MAOA: variants seen among roughly 807,000 people sequenced by gnomAD.
MAOA encodes amine oxidase [flavin-containing] A.
Under a neutral mutation model 42.0 loss-of-function variants are expected in MAOA, and 6 were observed. The ratio of observed to expected loss-of-function variants is 0.14; its 90% CI spans 0.08 to 0.28. The LOEUF (loss-of-function observed/expected upper bound fraction) is 0.28, where lower values mean the gene tolerates loss of function less well. Among genes scored for constraint, MAOA ranks in the 10% least tolerant of loss-of-function variants. The probability of loss-of-function intolerance (pLI) is 1.00; values close to 1 mark genes in which losing one functional copy is unlikely to be tolerated. For synonymous variants in MAOA, 140 were observed against 154.0 expected (o/e 0.91, Z 0.67); for missense variants, 262 against 422.3 (o/e 0.62, Z 3.33).
Position 43,671,919 on chromosome X carries a change from G to A in MAOA, c.74-11594G>A, listed in dbSNP as rs1358128704. 4.8e-3 allele frequency among the ~76,000 whole-genome samples: 516 copies of A among 107,797 alleles called. 3 individuals carry two copies. Among genetic ancestry groups the A allele is most frequent in the Non-Finnish European group, 7.3e-3 (380 of 51,997 alleles). 93.6% of individuals were successfully genotyped at this position (107,797 alleles called of 115,157 possible). A position where few individuals can be genotyped will look rare whatever the true frequency, so the allele number is the denominator to read the frequency against. ...TCTTTTGGCTTAGGATTGACTTGGC[G>A]ATGCAGGCTCTTTTTTGGTTCCATA... On this transcript the variant is annotated intron_variant, in intron 1 of 14. Transcript: ENST00000338702.
At chrX:43,663,328 G>A (rs974324458) in intron 1 of MAOA, among the ~76,000 whole-genome samples, 3 of 111,495 alleles carry the variant, frequency 2.7e-5, no homozygotes, top group African/African-American at 9.8e-5. Flanking sequence ...TTGTTGCTAG[G>A]CAAAAGTAAA....
chrX:43,660,164 A>G (rs2033220642), intron 1 of MAOA, among the ~76,000 whole-genome samples: 1 of 111,329 alleles, frequency 9.0e-6, no homozygotes, highest in Non-Finnish European at 1.9e-5. Flanking sequence ...TATAAGTGAG[A>G]ACATATGGTA....
At chrX:43,702,469 A>G (rs1475703149) in intron 3 of MAOA, among the ~76,000 whole-genome samples, 6 of 112,229 alleles carry the variant, frequency 5.3e-5, no homozygotes, top group Non-Finnish European at 9.4e-5. Context: ...ACAAATAATG[A>G]TAATAATGTC....
At chrX:43,693,668 C>T (rs2033554660) in intron 3 of MAOA, among the ~76,000 whole-genome samples, 1 of 110,734 alleles carries the variant, frequency 9.0e-6, no homozygotes, top group Non-Finnish European at 1.9e-5. Context: ...CCCTGTCACC[C>T]TCAGTGGCCC....
chrX:43,696,366 A>G (rs1230934345), intron 3 of MAOA, among the ~76,000 whole-genome samples: 1 of 112,492 alleles, frequency 8.9e-6, no homozygotes, highest in Non-Finnish European at 1.9e-5. Context: ...GGACAAAGGC[A>G]TCTTGCCATG....
chrX:43,717,653 G>A (rs2033754902), intron 5 of MAOA, among the ~76,000 whole-genome samples: 1 of 111,239 alleles, frequency 9.0e-6, no homozygotes, highest in Non-Finnish European at 1.9e-5. Flanking sequence ...CTCCAGGATT[G>A]AGCCACACTG....
At chrX:43,744,042 A>T in intron 13 of MAOA, 67 bp from the exon 14 acceptor site, 1 of 1,193,867 alleles carries the variant, frequency 8.4e-7, no homozygotes, top group Non-Finnish European at 1.1e-6. Flanking sequence ...ATCTGTGGCT[A>T]GCAGGGCCTT....
intron 3 of MAOA, among the ~76,000 whole-genome samples, chrX:43,701,544 C>A (rs2033625144): frequency 9.0e-6 from 1 of 111,653 alleles, no homozygotes; most frequent in African/African-American, 3.3e-5. Context: ...GAACCCCTCT[C>A]ATCTTCCTTC....
chrX:43,715,238 G>A (rs192244580), intron 5 of MAOA, among the ~76,000 whole-genome samples: 24 of 109,683 alleles, frequency 2.2e-4, no homozygotes, highest in Non-Finnish European at 5.7e-5. Context: ...GCAGTGGTAG[G>A]GGGGAGAAAG....
At chrX:43,661,775 C>T (rs760441685) in intron 1 of MAOA, among the ~76,000 whole-genome samples, 29 of 110,647 alleles carry the variant, frequency 2.6e-4, no homozygotes, top group Non-Finnish European at 4.9e-4. Flanking sequence ...TTTTATTTTG[C>T]AATTAAATTC....
chrX:43,712,608 G>T, intron 4 of MAOA, 97 bp from the exon 5 acceptor site: 1 of 559,232 alleles, frequency 1.8e-6, no homozygotes, highest in South Asian at 2.4e-5. Flanking sequence ...TCAACACAGA[G>T]ACCAAGAGAC....
chrX:43,695,097 C>T (rs1191290318), intron 3 of MAOA, among the ~76,000 whole-genome samples: 1 of 111,857 alleles, frequency 8.9e-6, no homozygotes, highest in Non-Finnish European at 1.9e-5. Flanking sequence ...TAAAAGTCTA[C>T]CTAACCCCTG....
intron 1 of MAOA, among the ~76,000 whole-genome samples, chrX:43,674,853 G>A (rs1470226660): frequency 5.9e-4 from 65 of 109,908 alleles, no homozygotes; most frequent in African/African-American, 2.1e-3. Flanking sequence ...TGGGTAACCC[G>A]ACCTTTCTCT....
chrX:43,692,598 C>G (rs1433831586), intron 2 of MAOA, among the ~76,000 whole-genome samples: 1 of 108,037 alleles, frequency 9.3e-6, no homozygotes, highest in East Asian at 2.9e-4. Flanking sequence ...ACAAAATAGA[C>G]ACAGACCCTT....
intron 1 of MAOA, among the ~76,000 whole-genome samples, chrX:43,680,009 GTTTA>G (rs1174798082): frequency 8.9e-6 from 1 of 111,956 alleles, no homozygotes; most frequent in African/African-American, 3.3e-5. Context: ...ATTGGTTTGA[GTTTA>G]TTTAACTGTC....
rs960605381 is a variant in MAOA at position 43,744,935 on chromosome X, C to T, written c.*422C>T. The stretch of plus-strand genomic sequence containing the variant: ...GGCCCAGCCTGTAACTGTCCTTTTT[C>T]TTCCCTTAGGCAATGGTGAACTGTC... On this transcript the variant is annotated 3_prime_UTR_variant, in exon 15 of 15. Coordinates refer to ENST00000338702, the MANE Select transcript of MAOA (RefSeq NM_000240.4). 7.0e-5 allele frequency: 15 copies of T among 215,047 alleles called. No individual in the cohort carries two copies. Among genetic ancestry groups the T allele is most frequent in the Non-Finnish European group, 1.2e-4 (14 of 117,582 alleles). The allele number at this position is 215,047 out of a possible 1,213,427, so 17.7% of individuals were successfully genotyped here.
chrX:43,740,009 G>A (rs1231014784), intron 10 of MAOA, among the ~76,000 whole-genome samples: 1 of 111,992 alleles, frequency 8.9e-6, no homozygotes, highest in African/African-American at 3.2e-5. Flanking sequence ...ACCATGTTCT[G>A]GGCTAGTCAT....
chrX:43,664,601 C>T (rs1601923969), intron 1 of MAOA, among the ~76,000 whole-genome samples: 1 of 111,879 alleles, frequency 8.9e-6, no homozygotes, highest in African/African-American at 3.2e-5. Context: ...ATGAAGATGA[C>T]CTTTAAGGTG....
upstream of MAOA, chrX:43,655,519 C>T (rs1420520981): frequency 9.0e-6 from 1 of 111,458 alleles, no homozygotes; most frequent in African/African-American, 3.3e-5. Context: ...AAGTCTACCA[C>T]CAGCTCGAAC....
Sources: gnomAD v4.1 joint callset for allele counts (sites outside exome capture counted in the v4.1 genomes callset) on GRCh38, gnomAD v4.1.1 for gene constraint, MANE v1.5 for transcripts, NCBI Gene and HGNC (gene_info 2026-07-23, HGNC 2026-07-21) for gene names.